DLC1: variants seen among roughly 807,000 people sequenced by gnomAD.
DLC1 encodes DLC1 Rho GTPase activating protein.
Under a neutral mutation model 140.3 loss-of-function variants are expected in DLC1, and 54 were observed. The observed-to-expected ratio is 0.38, with a 90% CI of 0.31 to 0.48. DLC1 has a LOEUF of 0.48. DLC1 is among the 20% of genes least tolerant of loss of function. DLC1 has a pLI of 0.96. For missense variants in DLC1, 2,536 were observed against 1,907.0 expected (o/e 1.33, Z -6.14); for synonymous variants, 986 against 728.1 (o/e 1.35, Z -5.70).
At chr8:13,395,265 G>A (rs984427740) in intron 3 of DLC1, among the ~76,000 whole-genome samples, 13 of 151,872 alleles carry the variant, frequency 8.6e-5, no homozygotes, top group African/African-American at 2.7e-4. Flanking sequence ...GGGATTACAG[G>A]TGCACACCAC....
intron 5 of DLC1, among the ~76,000 whole-genome samples, chr8:13,270,510 G>T (rs1482779471): frequency 6.6e-6 from 1 of 152,228 alleles, no homozygotes; most frequent in East Asian, 1.9e-4. Context: ...TTCAAAGCAG[G>T]TCCCAACGTG....
intron 5 of DLC1, among the ~76,000 whole-genome samples, chr8:13,281,355 A>G (rs942523009): frequency 2.0e-5 from 3 of 152,202 alleles, no homozygotes; most frequent in Admixed American, 6.5e-5. Context: ...GTGTATATTG[A>G]TGTTTGATAG....
At chr8:13,170,156 A>G (rs1304989258) in intron 5 of DLC1, among the ~76,000 whole-genome samples, 1 of 152,252 alleles carries the variant, frequency 6.6e-6, no homozygotes, top group Non-Finnish European at 1.5e-5. Flanking sequence ...TTGTTAAGAC[A>G]TGCTATACTA....
chr8:13,149,076 G>A (rs539636194), intron 5 of DLC1, among the ~76,000 whole-genome samples: 1 of 152,326 alleles, frequency 6.6e-6, no homozygotes, highest in South Asian at 2.1e-4. Context: ...ACAGGTGTGA[G>A]CCACTGCGCC....
At chr8:13,234,170 T>A (rs1456192846) in intron 5 of DLC1, among the ~76,000 whole-genome samples, 2 of 152,158 alleles carry the variant, frequency 1.3e-5, no homozygotes, top group East Asian at 3.8e-4. Context: ...GTTACCTTTT[T>A]AAAAATTTAG....
At chr8:13,442,381 G>T (rs1798556869) in intron 2 of DLC1, among the ~76,000 whole-genome samples, 1 of 152,152 alleles carries the variant, frequency 6.6e-6, no homozygotes, top group African/African-American at 2.4e-5. Flanking sequence ...AGGAGCTTCT[G>T]CACAGCAAAA....
intron 1 of DLC1, among the ~76,000 whole-genome samples, chr8:13,532,438 C>G (rs1168502688): frequency 1.3e-5 from 2 of 152,146 alleles, no homozygotes; most frequent in African/African-American, 4.8e-5. Context: ...TTGTTGTAAG[C>G]CTGGTAAGAA....
intron 5 of DLC1, among the ~76,000 whole-genome samples, chr8:13,259,406 G>A (rs113598137): frequency 9.9e-5 from 15 of 152,040 alleles, no homozygotes; most frequent in Non-Finnish European, 1.9e-4. Context: ...AAAAACACCC[G>A]GACAGAGTGC....
At chr8:13,155,351 C>T (rs762592793) in intron 5 of DLC1, among the ~76,000 whole-genome samples, 1 of 134,942 alleles carries the variant, frequency 7.4e-6, no homozygotes, top group Non-Finnish European at 1.7e-5. Flanking sequence ...ACCACCTCCA[C>T]CAAAAAGCAA....
chr8:13,156,224 C>G (rs1474455571), intron 5 of DLC1, among the ~76,000 whole-genome samples: 5 of 152,102 alleles, frequency 3.3e-5, no homozygotes, highest in Admixed American at 2.0e-4. Flanking sequence ...TGTTTCAACC[C>G]TTACTCCAAG....
intron 3 of DLC1, among the ~76,000 whole-genome samples, chr8:13,394,313 G>C (rs1401580387): frequency 6.6e-6 from 1 of 152,162 alleles, no homozygotes; most frequent in Non-Finnish European, 1.5e-5. Context: ...CACTCATGGA[G>C]TTTCATAAGC....
At chr8:13,201,226 T>G (rs1827363354) in intron 5 of DLC1, among the ~76,000 whole-genome samples, 1 of 152,104 alleles carries the variant, frequency 6.6e-6, no homozygotes, top group South Asian at 2.1e-4. Flanking sequence ...TTTTCAGTGT[T>G]CAAAGCAGGA....
At chr8:13,087,227 C>A (rs1319313938) in intron 16 of DLC1, among the ~76,000 whole-genome samples, 1 of 152,142 alleles carries the variant, frequency 6.6e-6, no homozygotes, top group African/African-American at 2.4e-5. Flanking sequence ...TATGGTGACA[C>A]CATGTCTCTA....
intron 4 of DLC1, among the ~76,000 whole-genome samples, chr8:13,311,966 T>C (rs1832679746): frequency 6.6e-6 from 1 of 152,238 alleles, no homozygotes; most frequent in Non-Finnish European, 1.5e-5. Context: ...TTGAGATACC[T>C]AAATGTTGAA....
At chr8:13,238,088 T>C (rs1829374618) in intron 5 of DLC1, among the ~76,000 whole-genome samples, 1 of 152,196 alleles carries the variant, frequency 6.6e-6, no homozygotes. Context: ...CCCATTGTTA[T>C]CCTAAATCCA....
At chr8:13,586,784 C>G (rs889067478) in intron 1 of DLC1, among the ~76,000 whole-genome samples, 1 of 151,986 alleles carries the variant, frequency 6.6e-6, no homozygotes, top group Non-Finnish European at 1.5e-5. Context: ...AGTTCCATCA[C>G]CACAAGGATA....
intron 5 of DLC1, among the ~76,000 whole-genome samples, chr8:13,184,121 C>T (rs1042106094): frequency 7.2e-5 from 11 of 152,134 alleles, no homozygotes; most frequent in Non-Finnish European, 1.2e-4. Context: ...TAATAGTATT[C>T]TCTGATGGTA....
chr8:13,319,815 C>CTT (rs1833015690), intron 4 of DLC1, among the ~76,000 whole-genome samples: 2 of 20,148 alleles, frequency 9.9e-5, no homozygotes, highest in Non-Finnish European at 2.5e-4. Context: ...TTAATTCTCT[C>CTT]TCTCTCTTTT....
chr8:13,312,338 G>A (rs1323674345), intron 4 of DLC1, among the ~76,000 whole-genome samples: 3 of 97,860 alleles, frequency 3.1e-5, no homozygotes. Flanking sequence ...TCCAGCCTGG[G>A]CGACAGAGCG....
Sources: allele counts gnomAD v4.1 joint callset (sites outside exome capture counted in the v4.1 genomes callset), GRCh38; gene constraint gnomAD v4.1.1; transcripts MANE v1.5; gene names NCBI Gene and HGNC (gene_info 2026-07-23, HGNC 2026-07-21).